MCOLN2: variants seen among roughly 807,000 people sequenced by gnomAD.
The protein encoded by MCOLN2 is mucolipin-2.
In MCOLN2, 57 loss-of-function variants were observed where a neutral mutation model predicts 67.5. That is an observed-to-expected ratio of 0.84 (90% CI 0.68 to 1.05). The LOEUF (loss-of-function observed/expected upper bound fraction) is 1.05. Among genes scored for constraint, MCOLN2 ranks in the 50% least tolerant of loss-of-function variants. The pLI is 0.00. For missense variants in MCOLN2, 620 were observed against 678.8 expected (o/e 0.91, Z 0.96); for synonymous variants, 246 against 233.3 (o/e 1.05, Z -0.50).
chr1:84,938,093 A>G lies in MCOLN2; in HGVS notation c.1111-11T>C, dbSNP rs776007246. ...ATAGTTTGTGAGATTCTAAGGAATGAAAAAAAAGAAAGAGAGAAATGAGTA... is the reference window on the plus strand; with the variant it reads ...ATAGTTTGTGAGATTCTAAGGAATGGAAAAAAAGAAAGAGAGAAATGAGTA... On this transcript the variant is annotated splice_polypyrimidine_tract_variant and intron_variant, in intron 9 of 13. Transcript: ENST00000370608. 2 of 1,569,668 alleles carry G rather than the reference A, an allele frequency of 1.3e-6. No individual in the cohort carries two copies. The highest frequency in any genetic ancestry group is 1.7e-6 in the Non-Finnish European group (2 of 1,147,142).
chr1:84,950,877 C>T (rs752070719), intron 6 of MCOLN2, among the ~76,000 whole-genome samples: 1 of 152,164 alleles, frequency 6.6e-6, no homozygotes, highest in East Asian at 1.9e-4. Flanking sequence ...TCTCTGTTTC[C>T]CCCAGGAGAG....
At chr1:84,987,514 AT>A (rs1650625386) in intron 1 of MCOLN2, among the ~76,000 whole-genome samples, 1 of 56,670 alleles carries the variant, frequency 1.8e-5, no homozygotes, top group African/African-American at 5.6e-5. Flanking sequence ...ATGTATACAT[AT>A]GTATATATGT....
intron 1 of MCOLN2, among the ~76,000 whole-genome samples, chr1:84,987,390 A>G (rs1173640266): frequency 3.6e-5 from 5 of 138,816 alleles, no homozygotes; most frequent in Non-Finnish European, 6.1e-5. Context: ...AGATATATAC[A>G]TATGTATATA....
chr1:84,930,737 T>C (rs1221874392), intron 12 of MCOLN2, among the ~76,000 whole-genome samples: 1 of 152,048 alleles, frequency 6.6e-6, no homozygotes, highest in Non-Finnish European at 1.5e-5. Context: ...GCACCCCTGG[T>C]TTTTCAGTCA....
intron 1 of MCOLN2, among the ~76,000 whole-genome samples, chr1:84,983,693 T>C (rs1440670852): frequency 6.6e-6 from 1 of 151,170 alleles, no homozygotes; most frequent in Non-Finnish European, 1.5e-5. Context: ...TTTTTTTTTT[T>C]TGAGACAGAG....
chr1:84,965,414 C>T (rs1649326508), intron 2 of MCOLN2, 135 bp downstream of exon 2: 4 of 892,326 alleles, frequency 4.5e-6, no homozygotes, highest in Middle Eastern at 3.4e-4. Context: ...AGCCTCTGCT[C>T]TCCAGAGTCA....
chr1:84,968,423 A>G (rs183660501), intron 1 of MCOLN2, among the ~76,000 whole-genome samples: 176 of 152,272 alleles, frequency 1.2e-3, no homozygotes, highest in African/African-American at 4.0e-3. Flanking sequence ...ACTCTAATAA[A>G]TAACTTATAA....
intron 1 of MCOLN2, among the ~76,000 whole-genome samples, chr1:84,990,566 C>T (rs530117932): frequency 1.3e-5 from 2 of 152,042 alleles, no homozygotes; most frequent in South Asian, 4.2e-4. Context: ...ATGTCTATAA[C>T]ATATTGTAAT....
chr1:84,925,939 G>A lies in MCOLN2; in HGVS notation c.*746C>T, dbSNP rs1304346907. ...GGATCTCACTCTGTCACCCAGGCTG[G>A]AGTGTAGTGGCACGATCATGGCTCA... is the stretch of plus-strand genomic sequence containing the variant. On this transcript the variant is annotated 3_prime_UTR_variant, in exon 14 of 14. Coordinates refer to ENST00000370608, the MANE Select transcript of MCOLN2 (RefSeq NM_153259.4). 6.6e-6 allele frequency: 1 copy of A among 152,204 alleles called. No homozygotes were observed. Among genetic ancestry groups the A allele is most frequent in the Non-Finnish European group, 1.5e-5 (1 of 68,316 alleles). The allele number at this position is 152,204 out of a possible 1,614,324, so 9.4% of individuals were successfully genotyped here.
intron 1 of MCOLN2, among the ~76,000 whole-genome samples, chr1:84,990,660 G>A (rs1349652565): frequency 6.6e-6 from 1 of 152,112 alleles, no homozygotes; most frequent in Non-Finnish European, 1.5e-5. Flanking sequence ...GCTTAGGCCT[G>A]TAATCCCAGA....
At chr1:84,940,234 A>C (rs887493093) in intron 8 of MCOLN2, among the ~76,000 whole-genome samples, 2 of 152,186 alleles carry the variant, frequency 1.3e-5, no homozygotes, top group African/African-American at 4.8e-5. Context: ...ACATTGACAA[A>C]GGTCAGGATT....
intron 1 of MCOLN2, among the ~76,000 whole-genome samples, chr1:84,989,808 T>C (rs1650795316): frequency 6.6e-6 from 1 of 152,118 alleles, no homozygotes; most frequent in African/African-American, 2.4e-5. Context: ...TCCAGACTAT[T>C]AAGAAAAAGA....
intron 4 of MCOLN2, among the ~76,000 whole-genome samples, chr1:84,952,887 C>A (rs1648575067): frequency 1.3e-5 from 2 of 152,200 alleles, no homozygotes; most frequent in Admixed American, 1.3e-4. Context: ...ACGTGAGAGA[C>A]ATTCTACTCT....
chr1:84,962,062 A>T (rs988960251), intron 2 of MCOLN2, among the ~76,000 whole-genome samples: 3 of 152,200 alleles, frequency 2.0e-5, no homozygotes, highest in Admixed American at 6.5e-5. Flanking sequence ...AGGGAGGGAA[A>T]AGTGAGATAT....
intron 11 of MCOLN2, among the ~76,000 whole-genome samples, chr1:84,935,056 G>A (rs753532360): frequency 4.6e-5 from 7 of 152,152 alleles, no homozygotes; most frequent in East Asian, 3.9e-4. Context: ...AAAAATGCCC[G>A]CTTGGAATGC....
chr1:84,985,986 G>GT (rs1650487361), intron 1 of MCOLN2, among the ~76,000 whole-genome samples: 2 of 152,108 alleles, frequency 1.3e-5, no homozygotes, highest in Admixed American at 1.3e-4. Flanking sequence ...CATAGCTGAA[G>GT]CAAGACTAAG....
intron 1 of MCOLN2, among the ~76,000 whole-genome samples, chr1:84,992,359 T>A (rs759992257): frequency 1.3e-5 from 2 of 152,074 alleles, no homozygotes; most frequent in African/African-American, 2.4e-5. Flanking sequence ...GGAAAAGGAA[T>A]ATGGACAACA....
At chr1:84,952,096 G>A (rs679961) in intron 6 of MCOLN2, 147 bp downstream of exon 6, 322,236 of 545,244 alleles carry the variant, frequency 0.59, 85,920 homozygotes, top group South Asian at 0.63. Flanking sequence ...TAGAAAAAAA[G>A]AAAAGAGTAT....
At chr1:84,956,612 A>G in intron 3 of MCOLN2, 28 bp from the exon 4 acceptor site, 1 of 1,549,690 alleles carries the variant, frequency 6.5e-7, no homozygotes, top group South Asian at 1.2e-5. Context: ...AGTAAAAACC[A>G]CATATGACCT....
Sources: gnomAD v4.1 joint callset for allele counts (sites outside exome capture counted in the v4.1 genomes callset) on GRCh38, gnomAD v4.1.1 for gene constraint, MANE v1.5 for transcripts, NCBI Gene and HGNC (gene_info 2026-07-23, HGNC 2026-07-21) for gene names.